TIAM2: variants seen among roughly 807,000 people sequenced by gnomAD.
The protein encoded by TIAM2 is rho guanine nucleotide exchange factor TIAM2.
Under a neutral mutation model 152.9 loss-of-function variants are expected in TIAM2, and 80 were observed. The observed-to-expected ratio is 0.52, with a 90% confidence interval of 0.44 to 0.63. TIAM2 has a LOEUF of 0.63. Ranked by LOEUF, TIAM2 falls within the 30% of genes least tolerant of loss-of-function variation. The pLI is 0.00. For missense variants in TIAM2, 1,965 were observed against 2,120.1 expected (o/e 0.93, Z 1.44); for synonymous variants, 804 against 838.0 (o/e 0.96, Z 0.70).
At position 155,018,005 on chromosome 6, in the gene TIAM2, GAT is replaced by G. The variant is rs1778627175; in HGVS notation, c.-209+22514_-209+22515del. On this transcript the variant is annotated intron_variant, in intron 1 of 26. Coordinates refer to ENST00000682666, the MANE Select transcript of TIAM2 (RefSeq NM_012454.4). The stretch of plus-strand genomic sequence containing the variant: ...TTTGCAGACTTCATATGAAAAGCCA[GAT>G]GTAAAATATCCCAATACGATTTTTA... 4.6e-5 allele frequency among the ~76,000 whole-genome samples: 7 copies of G among 152,300 alleles called. No homozygotes were observed. The South Asian group carries it at 1.4e-3, about 32-fold the overall frequency.
chr6:155,029,601 T>C (rs1473697637), intron 1 of TIAM2, among the ~76,000 whole-genome samples: 2 of 97,390 alleles, frequency 2.1e-5, no homozygotes, highest in Admixed American at 1.4e-4. Context: ...GTATATATAG[T>C]TATATAACTC....
intron 2 of TIAM2, among the ~76,000 whole-genome samples, chr6:155,126,663 G>A (rs1007639672): frequency 7.9e-5 from 12 of 152,080 alleles, no homozygotes; most frequent in South Asian, 2.1e-4. Context: ...CCCAGGAGGC[G>A]GAGGTTGCAG....
chr6:155,210,982 A>G (rs1781704544), intron 14 of TIAM2, among the ~76,000 whole-genome samples: 1 of 152,150 alleles, frequency 6.6e-6, no homozygotes, highest in South Asian at 2.1e-4. Flanking sequence ...GTCTCTTTCG[A>G]CCAAAACAGG....
intron 2 of TIAM2, among the ~76,000 whole-genome samples, chr6:155,116,141 C>T (rs1018239536): frequency 4.6e-5 from 7 of 152,112 alleles, no homozygotes; most frequent in African/African-American, 1.4e-4. Context: ...CCCCTCCATC[C>T]GTGTTTCATC....
chr6:155,046,581 C>T (rs1041032705), intron 1 of TIAM2, among the ~76,000 whole-genome samples: 1 of 152,106 alleles, frequency 6.6e-6, no homozygotes, highest in African/African-American at 2.4e-5. Flanking sequence ...GTGATCCATC[C>T]ACCTCGGCCT....
At chr6:155,205,625 T>C (rs1027094630) in intron 14 of TIAM2, among the ~76,000 whole-genome samples, 1 of 152,152 alleles carries the variant, frequency 6.6e-6, no homozygotes, top group Non-Finnish European at 1.5e-5. Context: ...ACTGGGATTA[T>C]GGGATGGCAT....
rs1438683845 is a variant in TIAM2, at chr6:155,104,038, A to ACC, written c.-118+13660_-118+13661insCC. ...TCTTCTGTATTTACCTCACACACAC[A>ACC]CACCCCCCCCCCCACACCCCCACAC... On this transcript the variant is annotated intron_variant, in intron 2 of 26. Coordinates refer to ENST00000682666, the MANE Select transcript of TIAM2 (RefSeq NM_012454.4). 1.4e-3 allele frequency among the ~76,000 whole-genome samples: 108 copies of ACC among 79,808 alleles called. 1 individual carries two copies. Among genetic ancestry groups the ACC allele is most frequent in the Admixed American group, 3.0e-3 (20 of 6,560 alleles). 52.4% of individuals were successfully genotyped at this position (79,808 alleles called of 152,430 possible).
chr6:155,000,925 A>G (rs1033562271), intron 1 of TIAM2, among the ~76,000 whole-genome samples: 3 of 152,058 alleles, frequency 2.0e-5, no homozygotes, highest in Admixed American at 6.5e-5. Flanking sequence ...TGGAGGTTGC[A>G]GTAAACCAGG....
chr6:155,153,551 C>G (rs1780025962), intron 7 of TIAM2, among the ~76,000 whole-genome samples: 1 of 151,466 alleles, frequency 6.6e-6, no homozygotes, highest in African/African-American at 2.4e-5. Context: ...TAGTGTGTAG[C>G]CTGAGTTATG....
chr6:155,033,287 A>G (rs1360947064), intron 1 of TIAM2, among the ~76,000 whole-genome samples: 1 of 152,120 alleles, frequency 6.6e-6, no homozygotes, highest in Non-Finnish European at 1.5e-5. Flanking sequence ...ATCTCTCAGG[A>G]GCATGGTTAC....
intron 10 of TIAM2, among the ~76,000 whole-genome samples, chr6:155,178,165 T>TAAAAA (rs557378875): frequency 1.6e-3 from 131 of 83,244 alleles, no homozygotes; most frequent in African/African-American, 5.1e-3. Context: ...CGTCTCAAAT[T>TAAAAA]AAAAAAAAAA....
chr6:155,176,875 A>T lies in TIAM2; in HGVS notation c.2421A>T (p.Ala807=). Residue 807 remains alanine, a synonymous_variant, in exon 10 of 27, where the codon GCA becomes GCT. Coordinates refer to ENST00000682666, the MANE Select transcript of TIAM2 (RefSeq NM_012454.4). ...STVDGVPRDN[A]WEIQTYVHFQ... ...TAGACGGTGTTCCCCGAGACAATGC[A>T]TGGGAAATCCAGACTTATGTCCACT... 6.2e-7 allele frequency: 1 copy of T among 1,614,204 alleles called. No individual in the cohort carries two copies. Among genetic ancestry groups the T allele is most frequent in the Non-Finnish European group, 8.5e-7 (1 of 1,180,002 alleles).
chr6:155,017,522 TGAG>T (rs1778613034), intron 1 of TIAM2, among the ~76,000 whole-genome samples: 1 of 150,220 alleles, frequency 6.7e-6, no homozygotes. Context: ...TTTTTTTTTT[TGAG>T]ATGGAGTCTC....
chr6:155,157,922 G>C (rs1201414308), intron 7 of TIAM2, among the ~76,000 whole-genome samples: 1 of 152,054 alleles, frequency 6.6e-6, no homozygotes, highest in Non-Finnish European at 1.5e-5. Context: ...TGAATTTTTG[G>C]GTATGGGAAT....
chr6:155,203,403 A>G lies in TIAM2; in HGVS notation c.3065-7801A>G, dbSNP rs1781524425. On this transcript the variant is annotated intron_variant, in intron 14 of 26. Coordinates refer to ENST00000682666, the MANE Select transcript of TIAM2 (RefSeq NM_012454.4). ...ACGAGTTTTTCATTTATGGAATTGC[A>G]TAGCATAAATTCTGAGAAACTGAAT... 2.6e-5 allele frequency among the ~76,000 whole-genome samples: 4 copies of G among 152,342 alleles called. No individual in the cohort carries two copies. The South Asian group carries it at 8.3e-4, about 32-fold the overall frequency.
intron 1 of TIAM2, among the ~76,000 whole-genome samples, chr6:155,086,746 TGACCAGTAGTTAAGCTGC>T (rs1185050283): frequency 6.9e-6 from 1 of 144,660 alleles, no homozygotes. Flanking sequence ...ACCACCAAAA[TGACCAGTAGTTAAGCTGC>T]AGCTTCCTCT....
chr6:155,116,652 C>A (rs1458017203), intron 2 of TIAM2, among the ~76,000 whole-genome samples: 3 of 152,072 alleles, frequency 2.0e-5, no homozygotes, highest in Non-Finnish European at 4.4e-5. Context: ...GAAGCTCGGG[C>A]CTTTTACATC....
At position 155,129,610 on chromosome 6, in the gene TIAM2, C is replaced by T. The variant is rs2115037297; in HGVS notation, c.387C>T (p.Thr129=). Residue 129 remains threonine, a synonymous_variant, in exon 4 of 27, where the codon ACC becomes ACT. Coordinates refer to ENST00000682666, the MANE Select transcript of TIAM2 (RefSeq NM_012454.4). The surrounding 1 kb of genome is among the most constrained non-coding windows in gnomAD (Gnocchi z 4.8). ...ACGAGCTGGCAGATAACCACATCACCTCCAGAGACTGCAACGGACACCTTC... is the reference window on the plus strand; with the variant it reads ...ACGAGCTGGCAGATAACCACATCACTTCCAGAGACTGCAACGGACACCTTC... ...VGHELADNHI[T]SRDCNGHLLN... 6.2e-7 allele frequency: 1 copy of T among 1,614,152 alleles called. No homozygotes were observed. The highest frequency in any genetic ancestry group is 1.1e-5 in the South Asian group (1 of 91,084).
intron 1 of TIAM2, among the ~76,000 whole-genome samples, chr6:155,067,313 C>T (rs1487144898): frequency 6.6e-6 from 1 of 152,146 alleles, no homozygotes; most frequent in Admixed American, 6.6e-5. Flanking sequence ...CCTCTCTCTC[C>T]ACCCAACTCC....
Sources: gnomAD v4.1 joint callset for allele counts (sites outside exome capture counted in the v4.1 genomes callset) on GRCh38, gnomAD v4.1.1 for gene constraint, Gnocchi (gnomAD v3.1) non-coding constraint, MANE v1.5 for transcripts, NCBI Gene and HGNC (gene_info 2026-07-23, HGNC 2026-07-21) for gene names.